The following C2CD2L variants were observed in gnomAD, a reference collection of about 807,000 sequenced individuals.
C2CD2L encodes phospholipid transfer protein C2CD2L.
A neutral mutation model predicts 69.9 loss-of-function variants in C2CD2L; 24 were observed. The observed-to-expected ratio is 0.34, with a 90% CI of 0.25 to 0.48. The LOEUF (loss-of-function observed/expected upper bound fraction) is 0.48. C2CD2L is among the 20% of genes least tolerant of loss of function. C2CD2L has a pLI of 0.99. For synonymous variants in C2CD2L, 367 were observed against 391.0 expected, an observed-to-expected ratio of 0.94 and a Z score of 0.72; for missense variants, 811 against 941.5, an observed-to-expected ratio of 0.86 and a Z score of 1.81.
At chr11:119,103,275 C>A (rs1946538149), upstream of C2CD2L, among the ~76,000 whole-genome samples, 1 of 152,184 alleles carries the variant, frequency 6.6e-6, no homozygotes, top group South Asian at 2.1e-4. Context: ...AGGAAGTCAC[C>A]ACCAGTGAGT....
In C2CD2L at chr11:119,112,455, A is replaced by T. The variant is rs1037554244; in HGVS notation, c.1085-27A>T. The T allele has an allele frequency of 2.5e-6, 4 of 1,613,776 alleles. No homozygotes were observed. The African/African-American group carries it at 5.3e-5, about 22-fold the overall frequency. ...CAGAGTGGGGTCTGGCCATGGGCCC[A>T]GCTCACAGTGCCATCCCTTTCCCCA... On this transcript the variant is annotated intron_variant, in intron 8 of 13. Transcript: ENST00000648610.
chr11:119,114,005 G>C lies in C2CD2L; in HGVS notation c.1623+17G>C, dbSNP rs1205078023. 6.2e-7 allele frequency: 1 copy of C among 1,613,720 alleles called. No homozygotes were observed. Among genetic ancestry groups the C allele is most frequent in the Admixed American group, 1.7e-5 (1 of 60,012 alleles). On this transcript the variant is annotated intron_variant, in intron 12 of 13. Transcript: ENST00000648610. This position sits in a 1 kb window ranked among gnomAD's most constrained non-coding sequence, Gnocchi z 5.1. Reference sequence around the variant, plus strand: ...GTTTCCAAGGTAACAGGGCTCTGGGGAGAGGAGCTGGGATGGGGAGAAAGC... The same window carrying C: ...GTTTCCAAGGTAACAGGGCTCTGGGCAGAGGAGCTGGGATGGGGAGAAAGC...
intron 7 of C2CD2L, 60 bp downstream of exon 7, chr11:119,111,689 G>T: frequency 8.6e-7 from 1 of 1,168,950 alleles, no homozygotes; most frequent in Non-Finnish European, 1.2e-6. Context: ...AACCTTTCCA[G>T]CACAGTCCTT....
At chr11:119,106,484 A>G (rs1946591464), upstream of C2CD2L, among the ~76,000 whole-genome samples, 2 of 152,304 alleles carry the variant, frequency 1.3e-5, no homozygotes, top group South Asian at 4.1e-4. Flanking sequence ...TAGAGGTTGA[A>G]TCAACTCCTT....
upstream of C2CD2L, chr11:119,102,337 CT>C (rs1483679624): frequency 2.1e-6 from 1 of 471,388 alleles, no homozygotes; most frequent in Admixed American, 2.3e-5. Flanking sequence ...GCGCCTGTTT[CT>C]TGCAGGAAAC....
rs1261501625 is a variant in C2CD2L, at chr11:119,114,344, C to T, written c.1888C>T (p.Arg630Cys). The change falls in exon 13 of 14, where the codon CGC (arginine) becomes TGC (cysteine). Residue 630 changes from arginine (R) to cysteine (C), a missense_variant. Arg to Cys is a radical substitution (Grantham distance 180). Transcript: ENST00000648610. The surrounding 1 kb of genome is among the most constrained non-coding windows in gnomAD (Gnocchi z 5.1). ...ETGSTGALET[R>C]SLKDHKVSFL... is the part of the protein sequence containing the mutation. ...GGGGTCCACTGGTGCCCTGGAGACC[C>T]GCAGCCTCAAGGATCACAAAGGTAG... 5.0e-6 allele frequency: 8 copies of T among 1,614,138 alleles called. No homozygotes were observed. The highest frequency in any genetic ancestry group is 2.2e-5 in the South Asian group (2 of 91,082).
rs749338039 is a variant in C2CD2L at position 119,110,593 on chromosome 11, G to A, written c.483G>A (p.Val161=). ...VLRCQLSAEE[V]RFPVSVTQQS... is the part of the protein sequence containing the mutation. ...GTTGCCAGCTCTCTGCTGAGGAGGT[G>A]CGGTTCCCAGTCTCTGTGACCCAGC... The change falls in exon 3 of 14, where the codon GTG becomes GTA. Residue 161 remains valine (V), a synonymous_variant. Coordinates refer to ENST00000648610, the MANE Select transcript of C2CD2L (RefSeq NM_001290474.2). The surrounding 1 kb of genome is among the most constrained non-coding windows in gnomAD (Gnocchi z 5.7). 2 of 1,610,590 alleles carry A rather than the reference G, an allele frequency of 1.2e-6. No homozygotes were observed. The highest frequency in any genetic ancestry group is 2.2e-5 in the South Asian group (2 of 90,756).
At position 119,107,962 on chromosome 11, in the gene C2CD2L, C is replaced by T. The variant is rs1171204888; in HGVS notation, c.221C>T (p.Ala74Val). 2 of 1,548,518 alleles carry T rather than the reference C, an allele frequency of 1.3e-6. No homozygotes were observed. The highest frequency in any genetic ancestry group is 1.4e-5 in the African/African-American group (1 of 69,014). The stretch of plus-strand genomic sequence containing the variant: ...TGGCGCTCGCTGCTGCGGCTGCGGG[C>T]GACTCGGGCTGGCGCCGCCGAGGAG... ...GVWRSLLRLR[A>V]TRAGAAEEPG... Residue 74 changes from alanine to valine, a missense_variant, in exon 1 of 14, where the codon GCG (alanine) becomes GTG (valine). Ala to Val is a moderately conservative substitution (Grantham distance 64). Transcript: ENST00000648610. The surrounding 1 kb of genome is among the most constrained non-coding windows in gnomAD (Gnocchi z 5.4).
rs747885394 is a variant in C2CD2L, at chr11:119,112,560, C to T, written c.1163C>T (p.Thr388Ile). ...PLSRRQLCPL[T>I]PGPGKALGPA... ...TCTCGAAGACAGTTGTGCCCACTCA[C>T]CCCAGGGCCAGGGAAAGCCCTGGGA... Residue 388 changes from threonine to isoleucine, a missense_variant, in exon 9 of 14, where the codon ACC (threonine) becomes ATC (isoleucine). Transcript: ENST00000648610. 1.2e-5 allele frequency: 20 copies of T among 1,612,848 alleles called. 1 individual carries two copies. The East Asian group carries it at 4.5e-4, about 36-fold the overall frequency.
Position 119,112,382 on chromosome 11 carries a change from C to T in C2CD2L, c.1074C>T (p.Ser358=). 2 of 1,613,738 alleles carry T rather than the reference C, an allele frequency of 1.2e-6. No individual in the cohort carries two copies. Among genetic ancestry groups the T allele is most frequent in the Non-Finnish European group, 1.7e-6 (2 of 1,179,862 alleles). Residue 358 remains serine (S), a synonymous_variant, in exon 8 of 14, where the codon AGC becomes AGT. Coordinates refer to ENST00000648610, the MANE Select transcript of C2CD2L (RefSeq NM_001290474.2). ...ELTLKVLRSS[S]CGDTELLGQA... Reference sequence around the variant, plus strand: ...CCCTCAAAGTGCTGAGGAGCAGCAGCTGTGGAGACAGTAAGTGAGGGGTGG... The same window carrying T: ...CCCTCAAAGTGCTGAGGAGCAGCAGTTGTGGAGACAGTAAGTGAGGGGTGG...
chr11:119,110,569 T>C lies in C2CD2L; in HGVS notation c.459T>C (p.Arg153=), dbSNP rs1221218545. ...CACCTCGCCGGTCTCAGGTGCTGCG[T>C]TGCCAGCTCTCTGCTGAGGAGGTGC... The part of the protein sequence containing the change: ...VDQSEHTMVL[R]CQLSAEEVRF... The change falls in exon 3 of 14, where the codon CGT becomes CGC. Residue 153 remains arginine, a synonymous_variant. Transcript: ENST00000648610. This position sits in a 1 kb window ranked among gnomAD's most constrained non-coding sequence, Gnocchi z 5.7. 6.2e-7 allele frequency: 1 copy of C among 1,608,802 alleles called. No individual in the cohort carries two copies. Among genetic ancestry groups the C allele is most frequent in the Non-Finnish European group, 8.5e-7 (1 of 1,179,122 alleles).
intron 10 of C2CD2L, chr11:119,113,374 A>AT (rs1946800035): frequency 1.8e-6 from 1 of 546,856 alleles, no homozygotes; most frequent in Non-Finnish European, 3.1e-6. Context: ...CCCGCTCCAT[A>AT]TTTTCATAGC....
chr11:119,110,939 C>T lies in C2CD2L; in HGVS notation c.663C>T (p.Pro221=). The change falls in exon 4 of 14, where the codon CCC becomes CCT. Residue 221 remains proline, a synonymous_variant. Transcript: ENST00000648610. This position sits in a 1 kb window ranked among gnomAD's most constrained non-coding sequence, Gnocchi z 5.7. The part of the protein sequence containing the change: ...DRPDLSLTVL[P]KLQARERGEE... ...CAGATCTCAGCCTAACGGTGCTTCC[C>T]AAGCTTCAGGCCAGGGAGGTAAGGA... 1 of 1,614,148 alleles carries T rather than the reference C, an allele frequency of 6.2e-7. No individual in the cohort carries two copies. The highest frequency in any genetic ancestry group is 8.5e-7 in the Non-Finnish European group (1 of 1,180,010).
Position 119,107,541 on chromosome 11 carries a change from C to G in C2CD2L, c.-201C>G. ...AGACCCGGACCACGGAGACAGAGAC[C>G]CCGGCATCGCGACCCCCGAGGACCT... On this transcript the variant is annotated 5_prime_UTR_variant, in exon 1 of 14. Coordinates refer to ENST00000648610, the MANE Select transcript of C2CD2L (RefSeq NM_001290474.2). The surrounding 1 kb of genome is among the most constrained non-coding windows in gnomAD (Gnocchi z 5.4). 1 of 415,268 alleles carries G rather than the reference C, an allele frequency of 2.4e-6. No individual in the cohort carries two copies. The highest frequency in any genetic ancestry group is 4.2e-6 in the Non-Finnish European group (1 of 237,872). The allele number at this position is 415,268 out of a possible 1,614,324, so 25.7% of individuals were successfully genotyped here.
In C2CD2L at chr11:119,109,541, C is replaced by T. The variant is rs571017264; in HGVS notation, c.355-563C>T. Among the ~76,000 whole-genome samples, 44 of 152,288 alleles carry T rather than the reference C, an allele frequency of 2.9e-4. 1 individual carries two copies. The South Asian group carries it at 9.1e-3, about 32-fold the overall frequency. On this transcript the variant is annotated intron_variant, in intron 1 of 13. Coordinates refer to ENST00000648610, the MANE Select transcript of C2CD2L (RefSeq NM_001290474.2). The surrounding 1 kb of genome is among the most constrained non-coding windows in gnomAD (Gnocchi z 5.1). Reference sequence around the variant, plus strand: ...TACGGATCCCCAAGGCCATGCTCATCTTCATCTCCAAGAATATGAAGCATC... The same window carrying T: ...TACGGATCCCCAAGGCCATGCTCATTTTCATCTCCAAGAATATGAAGCATC...
At chr11:119,113,152 C>T in intron 10 of C2CD2L, 2 of 514,726 alleles carry the variant, frequency 3.9e-6, no homozygotes, top group Non-Finnish European at 3.5e-6. Flanking sequence ...CCAGCTTCCC[C>T]TCTGGCTTTT....
chr11:119,102,465 C>T (rs575846552), upstream of C2CD2L: 154 of 378,928 alleles, frequency 4.1e-4, 1 homozygote, highest in Non-Finnish European at 6.4e-4. Context: ...GCCCCTCCCA[C>T]TCTGTTTTTC....
Position 119,116,340 on chromosome 11 carries a change from G to A in C2CD2L, c.*84G>A, listed in dbSNP as rs1946893018. 4.2e-6 allele frequency: 5 copies of A among 1,187,850 alleles called. No individual in the cohort carries two copies. Among genetic ancestry groups the A allele is most frequent in the Non-Finnish European group, 6.1e-6 (5 of 817,430 alleles). The allele number at this position is 1,187,850 out of a possible 1,614,324, so 73.6% of individuals were successfully genotyped here. The stretch of plus-strand genomic sequence containing the variant: ...ACCCCTTCCTGGATCTCCAGTGCCT[G>A]GGCCAGGAAAGCCCTCTGGGTTCCG... On this transcript the variant is annotated 3_prime_UTR_variant, in exon 14 of 14. Coordinates refer to ENST00000648610, the MANE Select transcript of C2CD2L (RefSeq NM_001290474.2).
Position 119,113,180 on chromosome 11 carries a change from C to A in C2CD2L, c.1387+306C>A, listed in dbSNP as rs1946795508. The A allele has an allele frequency of 6.3e-6, 3 of 475,468 alleles. No homozygotes were observed. The South Asian group carries it at 8.1e-5, about 13-fold the overall frequency. The allele number at this position is 475,468 out of a possible 1,614,324, so 29.5% of individuals were successfully genotyped here. A position where few individuals can be genotyped will look rare whatever the true frequency, so the allele number is the denominator to read the frequency against. On this transcript the variant is annotated intron_variant, in intron 10 of 13. Coordinates refer to ENST00000648610, the MANE Select transcript of C2CD2L (RefSeq NM_001290474.2). ...TGGCTTTTCACAGGTGTCCTTAGCC[C>A]CAGCTGACTATAATTGTCCATCCTG...
Sources: allele counts gnomAD v4.1 joint callset (sites outside exome capture counted in the v4.1 genomes callset), GRCh38; gene constraint gnomAD v4.1.1; non-coding constraint Gnocchi (gnomAD v3.1); transcripts MANE v1.5; gene names NCBI Gene and HGNC (gene_info 2026-07-23, HGNC 2026-07-21).